TASP1: variants seen among roughly 807,000 people sequenced by gnomAD.
TASP1 encodes the protein threonine aspartase 1.
TASP1 carries 16 observed loss-of-function variants against 56.6 expected under a neutral mutation model. The ratio of observed to expected loss-of-function variants is 0.28; its 90% CI spans 0.19 to 0.43. The LOEUF (loss-of-function observed/expected upper bound fraction) is 0.43. TASP1 is among the 20% of genes least tolerant of loss of function. The probability of loss-of-function intolerance (pLI) is 1.00; values close to 1 mark genes in which losing one functional copy is unlikely to be tolerated. For missense variants in TASP1, 393 were observed against 511.6 expected, an observed-to-expected ratio of 0.77 and a Z score of 2.24; for synonymous variants, 179 against 184.2, an observed-to-expected ratio of 0.97 and a Z score of 0.23.
the TASP1 span, among the ~76,000 whole-genome samples, chr20:13,220,641 T>A: frequency 6.6e-6 from 1 of 152,118 alleles, no homozygotes; most frequent in African/African-American, 2.4e-5. Context: ...AGAGTCGGAC[T>A]CCCCTCCCTT....
chr20:13,173,868 A>C, the TASP1 span, among the ~76,000 whole-genome samples: 6 of 152,206 alleles, frequency 3.9e-5, no homozygotes, highest in African/African-American at 1.4e-4. Context: ...ATGCTGGAAA[A>C]GAAAAAATAT....
the TASP1 span, among the ~76,000 whole-genome samples, chr20:13,200,497 T>C: frequency 4.6e-5 from 7 of 152,144 alleles, no homozygotes; most frequent in Non-Finnish European, 8.8e-5. Flanking sequence ...GAAGTTTCTC[T>C]CTCTCTCTCT....
the TASP1 span, among the ~76,000 whole-genome samples, chr20:13,225,043 C>T: frequency 1.1e-3 from 169 of 149,640 alleles, no homozygotes; most frequent in African/African-American, 3.8e-3. Context: ...TTAGTAGAGA[C>T]GGGGTTTCAC....
chr20:13,457,269 A>AT (rs1411743138), intron 11 of TASP1, among the ~76,000 whole-genome samples: 1 of 152,138 alleles, frequency 6.6e-6, no homozygotes, highest in African/African-American at 2.4e-5. Flanking sequence ...TTAAAGTATA[A>AT]TAAAAAATAA....
At chr20:13,140,535 A>T in the TASP1 span, among the ~76,000 whole-genome samples, 1 of 152,116 alleles carries the variant, frequency 6.6e-6, no homozygotes, top group South Asian at 2.1e-4. Context: ...TCCGATTAAC[A>T]TCACTTGCAT....
chr20:13,541,916 G>A (rs1422855040), intron 8 of TASP1, among the ~76,000 whole-genome samples: 1 of 151,862 alleles, frequency 6.6e-6, no homozygotes, highest in Non-Finnish European at 1.5e-5. Flanking sequence ...ATGGCGGTGT[G>A]TGCCCATAGT....
chr20:13,454,318 G>A (rs779458769), intron 11 of TASP1, among the ~76,000 whole-genome samples: 1 of 152,144 alleles, frequency 6.6e-6, no homozygotes, highest in African/African-American at 2.4e-5. Context: ...GAGGCAGGAA[G>A]ACTGCTTAGG....
intron 6 of TASP1, among the ~76,000 whole-genome samples, chr20:13,576,193 T>C (rs977987618): frequency 9.6e-4 from 100 of 104,216 alleles, no homozygotes; most frequent in Non-Finnish European, 1.5e-3. Flanking sequence ...CAGAGCAAGA[T>C]TCCGAGACAG....
chr20:13,620,082 T>A (rs1258327884), intron 4 of TASP1, among the ~76,000 whole-genome samples: 2 of 152,142 alleles, frequency 1.3e-5, no homozygotes, highest in Non-Finnish European at 2.9e-5. Flanking sequence ...CTCCTTTACT[T>A]AAATGAAGAA....
intron 4 of TASP1, among the ~76,000 whole-genome samples, chr20:13,623,110 T>G (rs998515922): frequency 2.6e-5 from 4 of 152,160 alleles, no homozygotes; most frequent in African/African-American, 9.6e-5. Flanking sequence ...AATTTTTCTT[T>G]TATTTTTAAA....
chr20:13,148,657 A>G, the TASP1 span, among the ~76,000 whole-genome samples: 56 of 152,236 alleles, frequency 3.7e-4, no homozygotes, highest in African/African-American at 1.3e-3. Flanking sequence ...AAGGCCATGC[A>G]TGGCCCTAGG....
At chr20:13,272,720 A>T in the TASP1 span, among the ~76,000 whole-genome samples, 1 of 152,212 alleles carries the variant, frequency 6.6e-6, no homozygotes, top group Non-Finnish European at 1.5e-5. Context: ...CTCTCCAGGG[A>T]CTGGCCACGT....
intron 4 of TASP1, among the ~76,000 whole-genome samples, chr20:13,605,962 T>C (rs535113270): frequency 6.6e-6 from 1 of 152,250 alleles, no homozygotes; most frequent in African/African-American, 2.4e-5. Context: ...ACTCTCCGCA[T>C]TCTTCTCTCT....
chr20:13,630,496 C>G (rs6033780), intron 1 of TASP1, among the ~76,000 whole-genome samples: 1 of 151,736 alleles, frequency 6.6e-6, no homozygotes, highest in African/African-American at 2.4e-5. Context: ...CGAGACCAGC[C>G]TGACCAACAT....
intron 11 of TASP1, among the ~76,000 whole-genome samples, chr20:13,454,247 GA>G (rs889698943): frequency 1.3e-5 from 2 of 152,080 alleles, no homozygotes; most frequent in African/African-American, 4.8e-5. Flanking sequence ...AATCTTTAGA[GA>G]ATGAATTGAA....
intron 11 of TASP1, among the ~76,000 whole-genome samples, chr20:13,477,917 C>T (rs1255869273): frequency 6.6e-6 from 1 of 152,082 alleles, no homozygotes; most frequent in Non-Finnish European, 1.5e-5. Context: ...TAAGGTAATG[C>T]AAGTGGAAAC....
the TASP1 span, chr20:13,300,624 G>A: frequency 6.6e-6 from 1 of 152,150 alleles, no homozygotes; most frequent in Non-Finnish European, 1.5e-5. Context: ...GTAAAAGAGA[G>A]TATATAATAA....
chr20:13,302,979 G>A, the TASP1 span, among the ~76,000 whole-genome samples: 128 of 152,262 alleles, frequency 8.4e-4, no homozygotes, highest in African/African-American at 2.7e-3. Context: ...TCTTAACGCC[G>A]GGGATTAAAG....
chr20:13,165,150 C>T, the TASP1 span: 1 of 321,920 alleles, frequency 3.1e-6, no homozygotes, highest in Admixed American at 4.6e-5. Flanking sequence ...TGGCAATAAG[C>T]CTGTGTTTTA....
Sources: allele counts gnomAD v4.1 joint callset (sites outside exome capture counted in the v4.1 genomes callset), GRCh38; gene constraint gnomAD v4.1.1; transcripts MANE v1.5; gene names NCBI Gene and HGNC (gene_info 2026-07-23, HGNC 2026-07-21).